The following SYN2 variants were observed in gnomAD, a reference collection of about 807,000 sequenced individuals.
SYN2 encodes the protein synapsin II, also known as synapsin-2.
In SYN2, 19 loss-of-function variants were observed where a neutral mutation model predicts 50.9. The observed-to-expected ratio is 0.37, with a 90% confidence interval of 0.26 to 0.55. The LOEUF is 0.55. SYN2 is among the 20% of genes least tolerant of loss of function. SYN2 has a pLI of 0.81. For missense variants in SYN2, 587 were observed against 576.4 expected (o/e 1.02, Z -0.19); for synonymous variants, 255 against 224.9 (o/e 1.13, Z -1.20).
intron 1 of SYN2, among the ~76,000 whole-genome samples, chr3:12,011,967 C>T (rs1332831489): frequency 1.3e-5 from 2 of 152,138 alleles, no homozygotes; most frequent in African/African-American, 2.4e-5. Context: ...TCCCTGTTTC[C>T]AGCCGCAGGT....
At chr3:12,084,846 G>A (rs1193326112) in intron 1 of SYN2, among the ~76,000 whole-genome samples, 1 of 152,100 alleles carries the variant, frequency 6.6e-6, no homozygotes, top group Non-Finnish European at 1.5e-5. Flanking sequence ...GATGTTTTAT[G>A]TAAGCCTTAC....
intron 1 of SYN2, among the ~76,000 whole-genome samples, chr3:12,101,568 T>G (rs1696076901): frequency 6.6e-6 from 1 of 152,170 alleles, no homozygotes; most frequent in Non-Finnish European, 1.5e-5. Flanking sequence ...GTGGTGACAA[T>G]TACACAACTT....
chr3:12,076,673 C>CAAA (rs1695474243), intron 1 of SYN2, among the ~76,000 whole-genome samples: 1 of 152,032 alleles, frequency 6.6e-6, no homozygotes, highest in Non-Finnish European at 1.5e-5. Context: ...CACAGCAATT[C>CAAA]TGTTAGGTAA....
At chr3:12,052,325 C>T (rs1053905239) in intron 1 of SYN2, among the ~76,000 whole-genome samples, 5 of 151,480 alleles carry the variant, frequency 3.3e-5, no homozygotes, top group Admixed American at 6.6e-5. Flanking sequence ...TTTGCACCTA[C>T]TGCCTGATAG....
intron 1 of SYN2, among the ~76,000 whole-genome samples, chr3:12,034,139 A>G (rs1189855194): frequency 1.3e-5 from 2 of 152,182 alleles, no homozygotes; most frequent in East Asian, 3.8e-4. Context: ...ACTATTTTAT[A>G]TTACCACCAG....
At chr3:12,108,182 C>G (rs1432564547) in intron 1 of SYN2, among the ~76,000 whole-genome samples, 1 of 152,046 alleles carries the variant, frequency 6.6e-6, no homozygotes, top group East Asian at 1.9e-4. Flanking sequence ...TGCACTCGAG[C>G]CTGTCTCAAA....
At chr3:12,120,804 T>C (rs1696540424) in intron 1 of SYN2, among the ~76,000 whole-genome samples, 1 of 152,192 alleles carries the variant, frequency 6.6e-6, no homozygotes, top group South Asian at 2.1e-4. Context: ...AGTGTCTCCT[T>C]CATGTGTCCT....
intron 1 of SYN2, among the ~76,000 whole-genome samples, chr3:12,126,526 TGAA>T (rs1342249465): frequency 6.6e-6 from 1 of 152,160 alleles, no homozygotes; most frequent in African/African-American, 2.4e-5. Flanking sequence ...CCCTCCCAAA[TGAA>T]GAAAAAACAA....
At chr3:12,044,270 T>C (rs1694690438) in intron 1 of SYN2, among the ~76,000 whole-genome samples, 2 of 151,132 alleles carry the variant, frequency 1.3e-5, no homozygotes, top group South Asian at 4.2e-4. Context: ...GACATGAACA[T>C]GAATAGCATG....
intron 1 of SYN2, among the ~76,000 whole-genome samples, chr3:12,055,565 T>C (rs554288303): frequency 6.6e-6 from 1 of 152,330 alleles, no homozygotes; most frequent in East Asian, 1.9e-4. Flanking sequence ...GGAGAAATTA[T>C]ATATTTGCAG....
intron 1 of SYN2, among the ~76,000 whole-genome samples, chr3:12,026,996 T>C (rs1350168970): frequency 6.6e-6 from 1 of 152,178 alleles, no homozygotes; most frequent in Non-Finnish European, 1.5e-5. Flanking sequence ...GGGTGTTGGA[T>C]ATACGCGTAA....
chr3:12,183,417 C>T (rs755659218), intron 11 of SYN2, 45 bp downstream of exon 11: 2 of 1,612,316 alleles, frequency 1.2e-6, no homozygotes, highest in South Asian at 2.2e-5. Flanking sequence ...TGCAGTAGGG[C>T]CAAAACAAGT....
intron 5 of SYN2, among the ~76,000 whole-genome samples, chr3:12,154,611 A>G (rs965797692): frequency 6.6e-6 from 1 of 152,126 alleles, no homozygotes; most frequent in African/African-American, 2.4e-5. Flanking sequence ...AAACTACTAT[A>G]ATCTTTCTAG....
intron 1 of SYN2, among the ~76,000 whole-genome samples, chr3:12,069,016 T>TA (rs1338177588): frequency 6.6e-6 from 1 of 152,210 alleles, no homozygotes; most frequent in Admixed American, 6.5e-5. Flanking sequence ...TGGAGTCATA[T>TA]AATATATGGT....
intron 7 of SYN2, among the ~76,000 whole-genome samples, chr3:12,163,883 C>T (rs1574876305): frequency 6.6e-6 from 1 of 152,044 alleles, no homozygotes; most frequent in South Asian, 2.1e-4. Context: ...TCAAGACCAA[C>T]CTGGGAAACA....
intron 1 of SYN2, among the ~76,000 whole-genome samples, chr3:12,101,327 A>G (rs746410720): frequency 6.6e-6 from 1 of 152,324 alleles, no homozygotes; most frequent in Non-Finnish European, 1.5e-5. Flanking sequence ...AAGTATTGAC[A>G]CAGGACACAA....
chr3:12,087,443 C>T (rs1157045286), intron 1 of SYN2, among the ~76,000 whole-genome samples: 1 of 152,138 alleles, frequency 6.6e-6, no homozygotes, highest in African/African-American at 2.4e-5. Context: ...AGGCATCACA[C>T]TCCTTGATTT....
At position 12,050,711 on chromosome 3, in the gene SYN2, C is replaced by CTTTTTTTTTTTTTTTTTTT. The variant is rs57099569; in HGVS notation, c.377+45800_377+45818dup. 3.2e-4 allele frequency among the ~76,000 whole-genome samples: 16 copies of CTTTTTTTTTTTTTTTTTTT among 50,528 alleles called. 5 individuals are homozygous for CTTTTTTTTTTTTTTTTTTT. The highest frequency in any genetic ancestry group is 1.9e-3 in the East Asian group (2 of 1,044). 33.1% of individuals were successfully genotyped at this position (50,528 alleles called of 152,430 possible). A position where few individuals can be genotyped will look rare whatever the true frequency, so the allele number is the denominator to read the frequency against. ...AATAATCTCATCTTTCTTCTCTTCT[C>CTTTTTTTTTTTTTTTTTTT]TTTTTTTTTTTTTTTTTTTTTTTTT... On this transcript the variant is annotated intron_variant, in intron 1 of 12. Coordinates refer to ENST00000621198, the MANE Select transcript of SYN2 (RefSeq NM_133625.6).
intron 1 of SYN2, 27 bp downstream of exon 1, chr3:12,004,955 G>A (rs1408224622): frequency 4.1e-6 from 2 of 485,530 alleles, no homozygotes; most frequent in Non-Finnish European, 7.2e-6. Context: ...GCCGCCCTCG[G>A]GGGTCGGGGT....
Sources: gnomAD v4.1 joint callset for allele counts (sites outside exome capture counted in the v4.1 genomes callset) on GRCh38, gnomAD v4.1.1 for gene constraint, MANE v1.5 for transcripts, NCBI Gene and HGNC (gene_info 2026-07-23, HGNC 2026-07-21) for gene names.